ASCC2: variants seen among roughly 807,000 people sequenced by gnomAD.
The protein encoded by ASCC2 is activating signal cointegrator 1 complex subunit 2.
Under a neutral mutation model 93.5 loss-of-function variants are expected in ASCC2, and 42 were observed. The observed-to-expected ratio is 0.45, with a 90% CI of 0.35 to 0.58. ASCC2 has a LOEUF of 0.58. Ranked by LOEUF, ASCC2 falls within the 20% of genes least tolerant of loss-of-function variation. ASCC2 has a pLI of 0.00. For missense variants in ASCC2, 859 were observed against 977.6 expected, an observed-to-expected ratio of 0.88 and a Z score of 1.62; for synonymous variants, 364 against 384.2, an observed-to-expected ratio of 0.95 and a Z score of 0.62.
Position 29,816,002 on chromosome 22 carries a change from G to C in ASCC2, c.609+4C>G. ...CTCCCCTGCGCAGGGCCAAGAGCTGGTACCTGAAGGATGGTAGGCAGGGTT... is the reference window on the plus strand; with the variant it reads ...CTCCCCTGCGCAGGGCCAAGAGCTGCTACCTGAAGGATGGTAGGCAGGGTT... On this transcript the variant is annotated splice_donor_region_variant and intron_variant, in intron 6 of 19. Transcript: ENST00000307790. The C allele has an allele frequency of 6.3e-7, 1 of 1,586,236 alleles. No homozygotes were observed. Among genetic ancestry groups the C allele is most frequent in the East Asian group, 2.3e-5 (1 of 44,360 alleles).
rs766086654 is a variant in ASCC2 at position 29,825,689 on chromosome 22, C to T, written c.173G>A (p.Arg58His). 32 of 1,614,076 alleles carry T rather than the reference C, an allele frequency of 2.0e-5. No individual in the cohort carries two copies. The highest frequency in any genetic ancestry group is 4.0e-5 in the African/African-American group (3 of 74,912). The change falls in exon 3 of 20, where the codon CGC becomes CAC. Residue 58 changes from arginine (R) to histidine (H), a missense_variant. Physicochemically the swap from Arg to His is conservative, Grantham distance 29. Coordinates refer to ENST00000307790, the MANE Select transcript of ASCC2 (RefSeq NM_032204.5). The surrounding 1 kb of genome is among the most constrained non-coding windows in gnomAD (Gnocchi z 4.9). The stretch of plus-strand genomic sequence containing the variant: ...GAGGTCATTGGCTACGAAGGTGGCG[C>T]GTTCCAGGTACTCCTCCACTAGGGC... Reference protein sequence around the residue: ...IPALVEEYLERATFVANDLDW... With the variant: ...IPALVEEYLEHATFVANDLDW...
intron 15 of ASCC2, among the ~76,000 whole-genome samples, chr22:29,795,049 T>C (rs1018788150): frequency 6.6e-6 from 1 of 151,916 alleles, no homozygotes; most frequent in Non-Finnish European, 1.5e-5. Flanking sequence ...CTCAGGCTCC[T>C]GAGTAGCTGG....
chr22:29,794,906 G>T (rs1256701711), intron 15 of ASCC2, among the ~76,000 whole-genome samples: 3 of 151,802 alleles, frequency 2.0e-5, no homozygotes, highest in Admixed American at 6.6e-5. Context: ...GAAGCCCCAC[G>T]CCAAATGACA....
intron 15 of ASCC2, among the ~76,000 whole-genome samples, chr22:29,798,477 CCACGAAGTGAGG>C (rs1277990717): frequency 6.6e-6 from 1 of 152,168 alleles, no homozygotes; most frequent in Non-Finnish European, 1.5e-5. Flanking sequence ...AGTAGCCTGA[CCACGAAGTGAGG>C]CCCCAAGAGA....
At position 29,789,291 on chromosome 22, in the gene ASCC2, G is replaced by A. The variant is rs1040068138; in HGVS notation, c.2103-107C>T. ...TTCACTGGGAGAGGACACAGACTGG[G>A]CCTGGTCACTCATGTCCCAACTTCA... On this transcript the variant is annotated intron_variant, in intron 19 of 19. Coordinates refer to ENST00000307790, the MANE Select transcript of ASCC2 (RefSeq NM_032204.5). 5.2e-6 allele frequency: 7 copies of A among 1,347,988 alleles called. No individual in the cohort carries two copies. In the Admixed American group the frequency reaches 7.1e-5, roughly 14 times the overall value. The allele number at this position is 1,347,988 out of a possible 1,614,324, so 83.5% of individuals were successfully genotyped here.
At chr22:29,823,021 C>A (rs2061784524) in intron 4 of ASCC2, among the ~76,000 whole-genome samples, 1 of 145,464 alleles carries the variant, frequency 6.9e-6, no homozygotes, top group African/African-American at 2.5e-5. Context: ...TGCCCAGCCT[C>A]CCCTTTAAAA....
intron 5 of ASCC2, 39 bp downstream of exon 5, chr22:29,822,296 C>T (rs745937247): frequency 1.2e-6 from 2 of 1,609,106 alleles, no homozygotes; most frequent in Non-Finnish European, 1.7e-6. Context: ...CATGTGGGGG[C>T]CATCTTGGTG....
At chr22:29,819,591 T>C (rs1602106096) in intron 5 of ASCC2, among the ~76,000 whole-genome samples, 1 of 152,162 alleles carries the variant, frequency 6.6e-6, no homozygotes. Flanking sequence ...CAGCCAGGAA[T>C]AGAGCTGTGG....
intron 12 of ASCC2, 119 bp from the exon 13 acceptor site, chr22:29,804,949 T>A: frequency 1.9e-6 from 2 of 1,057,996 alleles, no homozygotes; most frequent in Non-Finnish European, 2.8e-6. Flanking sequence ...GGGCTATATC[T>A]AAGTGGTATA....
intron 1 of ASCC2, among the ~76,000 whole-genome samples, chr22:29,833,885 T>TC (rs914198719): frequency 6.6e-6 from 1 of 151,314 alleles, no homozygotes; most frequent in Non-Finnish European, 1.5e-5. Context: ...TTTTCTTTTT[T>TC]TTTTTTTTTT....
At chr22:29,827,797 G>T (rs1442990783) in intron 2 of ASCC2, among the ~76,000 whole-genome samples, 1 of 28,148 alleles carries the variant, frequency 3.6e-5, no homozygotes. Context: ...CACACAACCA[G>T]GCTACTCATT....
chr22:29,800,546 T>G (rs1304820734), intron 15 of ASCC2, among the ~76,000 whole-genome samples: 1 of 152,024 alleles, frequency 6.6e-6, no homozygotes, highest in Admixed American at 6.6e-5. Context: ...AGGAAGGACA[T>G]AAACTAAAAA....
chr22:29,837,741 T>C (rs1273561479), intron 1 of ASCC2, among the ~76,000 whole-genome samples: 1 of 152,198 alleles, frequency 6.6e-6, no homozygotes, highest in Admixed American at 6.5e-5. Flanking sequence ...GTTACTGTCA[T>C]AGCTTTAATG....
chr22:29,837,776 A>G (rs997301305), intron 1 of ASCC2, among the ~76,000 whole-genome samples: 8 of 152,138 alleles, frequency 5.3e-5, no homozygotes, highest in African/African-American at 1.9e-4. Context: ...CTTGTCGTTG[A>G]CCATCTCCTC....
At chr22:29,793,739 G>A (rs532674921) in intron 15 of ASCC2, 63 bp from the exon 16 acceptor site, 35 of 1,474,586 alleles carry the variant, frequency 2.4e-5, no homozygotes, top group African/African-American at 4.2e-5. Flanking sequence ...CGCAGGGTAC[G>A]GAGGGTCCAG....
At position 29,806,275 on chromosome 22, in the gene ASCC2, A is replaced by G. The variant is rs2059664330; in HGVS notation, c.1101T>C (p.Tyr367=). Residue 367 remains tyrosine (Y), a synonymous_variant, in exon 12 of 20, where the codon TAT becomes TAC. Transcript: ENST00000307790. The part of the protein sequence containing the change: ...LLQEKRFLRD[Y]DALFPVAEDI... ...CTTCGGCCACGGGGAAGAGTGCATC[A>G]TAGTCCCGGAGGAACCTGCAGGCAG... The G allele has an allele frequency of 2.5e-6, 4 of 1,614,168 alleles. No homozygotes were observed. The highest frequency in any genetic ancestry group is 3.4e-6 in the Non-Finnish European group (4 of 1,180,038).
intron 19 of ASCC2, among the ~76,000 whole-genome samples, chr22:29,789,904 G>A (rs569257752): frequency 4.6e-5 from 7 of 152,258 alleles, no homozygotes; most frequent in African/African-American, 9.6e-5. Flanking sequence ...GGGAAGATGC[G>A]GGGCCTGGAT....
In ASCC2 at chr22:29,808,346, C is replaced by T. The variant is rs571409028; in HGVS notation, c.834-161G>A. On this transcript the variant is annotated intron_variant, in intron 8 of 19. Transcript: ENST00000307790. The stretch of plus-strand genomic sequence containing the variant: ...CTTCCCTGAGCTCACCCCAGACTGA[C>T]CCACTAGGGCTGGTCCCAGGAACAG... Among the ~76,000 whole-genome samples, 6 of 152,292 alleles carry T rather than the reference C, an allele frequency of 3.9e-5. No homozygotes were observed. In the South Asian group the frequency reaches 1.2e-3, roughly 32 times the overall value.
intron 2 of ASCC2, among the ~76,000 whole-genome samples, chr22:29,827,757 G>GACACACAT (rs1555880266): frequency 9.9e-6 from 1 of 100,934 alleles, no homozygotes; most frequent in Admixed American, 1.0e-4. Flanking sequence ...TCATTCTCCC[G>GACACACAT]ACACACACAC....
Sources: allele counts gnomAD v4.1 joint callset (sites outside exome capture counted in the v4.1 genomes callset), GRCh38; gene constraint gnomAD v4.1.1; non-coding constraint Gnocchi (gnomAD v3.1); transcripts MANE v1.5; gene names NCBI Gene and HGNC (gene_info 2026-07-23, HGNC 2026-07-21).